The following MAOB variants were observed in gnomAD, a reference collection of about 807,000 sequenced individuals.
MAOB encodes the protein amine oxidase [flavin-containing] B.
MAOB carries 15 observed loss-of-function variants against 41.9 expected under a neutral mutation model. The observed-to-expected ratio is 0.36, with a 90% CI of 0.24 to 0.55. MAOB has a LOEUF of 0.55. Among genes scored for constraint, MAOB ranks in the 20% least tolerant of loss-of-function variants. The probability of loss-of-function intolerance (pLI) is 0.86; values close to 1 mark genes in which losing one functional copy is unlikely to be tolerated. For synonymous variants in MAOB, 167 were observed against 144.2 expected (o/e 1.16, Z -1.13); for missense variants, 345 against 398.7 (o/e 0.87, Z 1.15).
intron 3 of MAOB, among the ~76,000 whole-genome samples, chrX:43,808,390 T>A (rs1451567610): frequency 9.0e-6 from 1 of 111,383 alleles, no homozygotes; most frequent in South Asian, 3.8e-4. Flanking sequence ...CCAGATGACT[T>A]GAAGAAGAAT....
In MAOB at chrX:43,802,275, T is replaced by A; in HGVS notation, c.385-12A>T. The A allele has an allele frequency of 9.2e-7, 1 of 1,092,697 alleles. No individual in the cohort carries two copies. Among genetic ancestry groups the A allele is most frequent in the African/African-American group, 1.8e-5 (1 of 55,518 alleles). 90.1% of individuals were successfully genotyped at this position (1,092,697 alleles called of 1,213,427 possible). On this transcript the variant is annotated splice_polypyrimidine_tract_variant and intron_variant, in intron 4 of 14. Transcript: ENST00000378069. ...GCATCACTCGGAATCTACATTCAGA[T>A]GAGGATTCGAAGGAGAAAGACAAAT...
intron 12 of MAOB, among the ~76,000 whole-genome samples, chrX:43,773,774 G>A (rs569139510): frequency 1.8e-5 from 2 of 111,759 alleles, no homozygotes; most frequent in Non-Finnish European, 3.8e-5. Flanking sequence ...TGCTGCCATC[G>A]ACGTAAGATG....
intron 1 of MAOB, among the ~76,000 whole-genome samples, chrX:43,858,278 T>C (rs182813223): frequency 4.6e-4 from 51 of 111,525 alleles, no homozygotes; most frequent in Middle Eastern, 4.6e-3. Context: ...GGCCCAGTCA[T>C]TGGGCTAGGA....
intron 8 of MAOB, among the ~76,000 whole-genome samples, chrX:43,789,132 A>G (rs1369391407): frequency 1.8e-5 from 2 of 112,268 alleles, no homozygotes; most frequent in Admixed American, 9.4e-5. Flanking sequence ...TACATGAAAC[A>G]AAGTTTTGAC....
rs531700267 is a variant in MAOB, at chrX:43,833,253, C to T, written c.279+5615G>A. On this transcript the variant is annotated intron_variant, in intron 3 of 14. Transcript: ENST00000378069. ...TGAGATTGAAAACACTTGGTAGTTT[C>T]TAGATGTCCATATAAGAGTAATGTT... 5.4e-5 allele frequency among the ~76,000 whole-genome samples: 6 copies of T among 110,859 alleles called. No homozygotes were observed. In the South Asian group the frequency reaches 2.4e-3, roughly 44 times the overall value.
intron 1 of MAOB, among the ~76,000 whole-genome samples, chrX:43,855,314 T>A (rs1259189802): frequency 1.5e-4 from 17 of 111,631 alleles, no homozygotes; most frequent in Admixed American, 5.7e-4. Context: ...AGACTCATAT[T>A]AAAACTGTAC....
intron 3 of MAOB, among the ~76,000 whole-genome samples, chrX:43,815,006 CAAAATTAGTCCATGCATTGACCTCA>C (rs2034791481): frequency 9.0e-6 from 1 of 111,628 alleles, no homozygotes; most frequent in South Asian, 3.8e-4. Flanking sequence ...CAGAAGTCTC[CAAAATTAGTCCATGCATTGACCTCA>C]AAGAATAAGG....
chrX:43,835,134 C>T (rs760343338), intron 3 of MAOB, among the ~76,000 whole-genome samples: 2 of 112,514 alleles, frequency 1.8e-5, no homozygotes, highest in South Asian at 3.7e-4. Flanking sequence ...CAACCATACA[C>T]GCATGCACAT....
chrX:43,821,382 C>G (rs1244246541), intron 3 of MAOB, among the ~76,000 whole-genome samples: 1 of 111,905 alleles, frequency 8.9e-6, no homozygotes. Context: ...CCCCAGAGAG[C>G]AGATCAGCTA....
chrX:43,772,440 GA>G (rs1339397478), intron 12 of MAOB, among the ~76,000 whole-genome samples: 2 of 111,811 alleles, frequency 1.8e-5, no homozygotes, highest in Non-Finnish European at 3.8e-5. Context: ...AGGTATTTAT[GA>G]AATTGAGCAT....
intron 10 of MAOB, among the ~76,000 whole-genome samples, chrX:43,779,338 A>C (rs1440569681): frequency 8.9e-6 from 1 of 111,863 alleles, no homozygotes; most frequent in East Asian, 2.8e-4. Flanking sequence ...TGCTTACGTT[A>C]TTTTCTTACA....
chrX:43,872,259 T>C (rs1280903511), intron 1 of MAOB, among the ~76,000 whole-genome samples: 2 of 111,963 alleles, frequency 1.8e-5, no homozygotes, highest in Non-Finnish European at 3.8e-5. Context: ...AGAGCAAAAC[T>C]TACTTGCCAC....
intron 12 of MAOB, among the ~76,000 whole-genome samples, chrX:43,771,732 A>G (rs186018686): frequency 9.7e-4 from 108 of 111,754 alleles, no homozygotes; most frequent in African/African-American, 3.2e-3. Context: ...AAAGGCTTAG[A>G]GAACTAATCA....
chrX:43,785,371 T>C lies in MAOB; in HGVS notation c.929-3827A>G, dbSNP rs908305870. Reference sequence around the variant, plus strand: ...CAGCTTCAACTTCAATTGAAGAGAGTTGGGGGCCTTGCTCTGGATCTAGGC... The same window carrying C: ...CAGCTTCAACTTCAATTGAAGAGAGCTGGGGGCCTTGCTCTGGATCTAGGC... On this transcript the variant is annotated intron_variant, in intron 8 of 14. Coordinates refer to ENST00000378069, the MANE Select transcript of MAOB (RefSeq NM_000898.5). Among the ~76,000 whole-genome samples, 3 of 112,112 alleles carry C rather than the reference T, an allele frequency of 2.7e-5. No individual in the cohort carries two copies. In the East Asian group the frequency reaches 8.4e-4, roughly 32 times the overall value.
intron 11 of MAOB, among the ~76,000 whole-genome samples, chrX:43,777,196 T>C (rs1434794064): frequency 1.8e-5 from 2 of 111,777 alleles, no homozygotes; most frequent in African/African-American, 6.5e-5. Flanking sequence ...ATCCCATTAC[T>C]GGGTATATAC....
intron 12 of MAOB, among the ~76,000 whole-genome samples, chrX:43,774,270 T>C (rs1283459047): frequency 2.7e-5 from 3 of 111,844 alleles, no homozygotes; most frequent in East Asian, 2.8e-4. Flanking sequence ...ATCACTGCTA[T>C]ATTATTAGTT....
chrX:43,872,214 G>A (rs1480165773), intron 1 of MAOB, among the ~76,000 whole-genome samples: 1 of 111,871 alleles, frequency 8.9e-6, no homozygotes. Flanking sequence ...GCATAACGTA[G>A]TAATTGCAAA....
At chrX:43,796,472 G>A (rs1457930528) in intron 6 of MAOB, among the ~76,000 whole-genome samples, 2 of 111,154 alleles carry the variant, frequency 1.8e-5, no homozygotes, top group Non-Finnish European at 3.8e-5. Context: ...TGTTCTACCT[G>A]GCTATGCACA....
chrX:43,774,845 C>T (rs979824794), intron 12 of MAOB, among the ~76,000 whole-genome samples: 11 of 111,090 alleles, frequency 9.9e-5, no homozygotes, highest in African/African-American at 3.6e-4. Context: ...TCTATGGGTA[C>T]ATGATGTGTT....
Sources: gnomAD v4.1 joint callset for allele counts (sites outside exome capture counted in the v4.1 genomes callset) on GRCh38, gnomAD v4.1.1 for gene constraint, MANE v1.5 for transcripts, NCBI Gene and HGNC (gene_info 2026-07-23, HGNC 2026-07-21) for gene names.